The following ZNF385D variants were observed in gnomAD, a reference collection of about 807,000 sequenced individuals.
ZNF385D encodes the protein zinc finger protein 385D, also known as zinc finger protein 659.
Under a neutral mutation model 35.8 loss-of-function variants are expected in ZNF385D, and 15 were observed. The ratio of observed to expected loss-of-function variants is 0.42; its 90% CI spans 0.28 to 0.64. ZNF385D has a LOEUF of 0.64. Among genes scored for constraint, ZNF385D ranks in the 30% least tolerant of loss-of-function variants. The probability of loss-of-function intolerance (pLI) is 0.23; values close to 1 mark genes in which losing one functional copy is unlikely to be tolerated. For missense variants in ZNF385D, 474 were observed against 494.6 expected (o/e 0.96, Z 0.39); for synonymous variants, 212 against 186.8 (o/e 1.13, Z -1.10).
intron 2 of ZNF385D, among the ~76,000 whole-genome samples, chr3:21,639,503 T>C (rs1014328011): frequency 4.6e-5 from 7 of 151,006 alleles, no homozygotes; most frequent in Non-Finnish European, 1.0e-4. Context: ...TGAGCTCTTC[T>C]TTATGTCATT....
rs928853249 is a variant in ZNF385D at position 21,418,893 on chromosome 3, A to C, written c.*2321T>G. The C allele has an allele frequency of 6.6e-6, 1 of 152,176 alleles. No homozygotes were observed. Among genetic ancestry groups the C allele is most frequent in the African/African-American group, 2.4e-5 (1 of 41,448 alleles). The allele number at this position is 152,176 out of a possible 1,614,324, so 9.4% of individuals were successfully genotyped here. A position where few individuals can be genotyped will look rare whatever the true frequency, so the allele number is the denominator to read the frequency against. On this transcript the variant is annotated 3_prime_UTR_variant, in exon 8 of 8. Transcript: ENST00000281523. ...TTCAAAATGGTTAGAAGCTGGTCAC[A>C]TGGGATACAGACAGAGCCCCAAACA... is the stretch of plus-strand genomic sequence containing the variant.
chr3:22,358,228 T>C (rs1255967265), intron 2 of ZNF385D, among the ~76,000 whole-genome samples: 1 of 151,756 alleles, frequency 6.6e-6, no homozygotes, highest in Non-Finnish European at 1.5e-5. Flanking sequence ...CAAATTGAGG[T>C]GAGGAAATGA....
intron 2 of ZNF385D, among the ~76,000 whole-genome samples, chr3:21,660,099 C>G (rs1321299798): frequency 2.6e-5 from 4 of 151,952 alleles, no homozygotes; most frequent in Non-Finnish European, 5.9e-5. Flanking sequence ...GACTTGATCT[C>G]TCTCTCTCTC....
intron 3 of ZNF385D, among the ~76,000 whole-genome samples, chr3:21,896,501 A>T (rs259494): frequency 1.3e-5 from 2 of 151,972 alleles, no homozygotes; most frequent in Non-Finnish European, 2.9e-5. Context: ...ACTGAATTAT[A>T]TGGGGGCAAA....
intron 2 of ZNF385D, among the ~76,000 whole-genome samples, chr3:21,629,740 G>C (rs1325428768): frequency 2.6e-5 from 4 of 152,236 alleles, no homozygotes; most frequent in Non-Finnish European, 5.9e-5. Context: ...CCAGAGAATG[G>C]AATCTAAGAT....
chr3:22,123,243 T>G (rs1024365973), intron 3 of ZNF385D, among the ~76,000 whole-genome samples: 1 of 151,868 alleles, frequency 6.6e-6, no homozygotes, highest in Non-Finnish European at 1.5e-5. Flanking sequence ...ACCAAGAAGG[T>G]AGGAGGAGTA....
At chr3:21,986,720 C>A (rs1304902165) in intron 3 of ZNF385D, among the ~76,000 whole-genome samples, 1 of 127,716 alleles carries the variant, frequency 7.8e-6, no homozygotes, top group Admixed American at 7.5e-5. Context: ...TCCCGGGTAT[C>A]CTTGTTGACT....
At chr3:22,231,287 G>C (rs150977064) in intron 2 of ZNF385D, among the ~76,000 whole-genome samples, 135 of 152,248 alleles carry the variant, frequency 8.9e-4, no homozygotes, top group African/African-American at 3.1e-3. Flanking sequence ...CTGGCCCTGA[G>C]CCAGAATCAG....
intron 3 of ZNF385D, among the ~76,000 whole-genome samples, chr3:21,564,053 A>G (rs577527072): frequency 6.6e-6 from 1 of 152,206 alleles, no homozygotes; most frequent in African/African-American, 2.4e-5. Flanking sequence ...TGGTTCTAGG[A>G]CTGTAGGACC....
At position 22,347,906 on chromosome 3, in the gene ZNF385D, G is replaced by A. The variant is rs548565616; in HGVS notation, c.106+24544C>T. 3.0e-3 allele frequency among the ~76,000 whole-genome samples: 458 copies of A among 152,222 alleles called. 4 individuals are homozygous for A. Among genetic ancestry groups the A allele is most frequent in the African/African-American group, 9.3e-3 (385 of 41,536 alleles). On this transcript the variant is annotated intron_variant, in intron 2 of 5. Coordinates refer to the ZNF385D transcript ENST00000494108. Reference sequence around the variant, plus strand: ...TCAAACAACCAGAATGGATAAAATGGAATGTGCAATATCTAGAGTTGCCTT... The same window carrying A: ...TCAAACAACCAGAATGGATAAAATGAAATGTGCAATATCTAGAGTTGCCTT...
intron 3 of ZNF385D, among the ~76,000 whole-genome samples, chr3:22,136,774 C>G (rs1018996968): frequency 6.6e-6 from 1 of 151,798 alleles, no homozygotes; most frequent in Non-Finnish European, 1.5e-5. Context: ...AGAGAACTGT[C>G]AAGCCACTAA....
At chr3:21,630,885 G>A (rs1040128735) in intron 2 of ZNF385D, among the ~76,000 whole-genome samples, 5 of 152,044 alleles carry the variant, frequency 3.3e-5, no homozygotes, top group Non-Finnish European at 7.4e-5. Context: ...TTAAAGAAGA[G>A]GTAGGGGGAA....
At chr3:21,719,621 A>G (rs1261192743) in intron 1 of ZNF385D, among the ~76,000 whole-genome samples, 4 of 152,204 alleles carry the variant, frequency 2.6e-5, no homozygotes, top group Non-Finnish European at 4.4e-5. Context: ...TAGCTACTGC[A>G]CTTGTGCACC....
chr3:21,490,535 C>T (rs1369586039), intron 4 of ZNF385D, among the ~76,000 whole-genome samples: 1 of 152,048 alleles, frequency 6.6e-6, no homozygotes, highest in South Asian at 2.1e-4. Context: ...TGTGACTTTA[C>T]AGTAAAAGTC....
intron 3 of ZNF385D, among the ~76,000 whole-genome samples, chr3:22,096,422 T>G (rs1701636436): frequency 6.6e-6 from 1 of 152,040 alleles, no homozygotes; most frequent in Non-Finnish European, 1.5e-5. Flanking sequence ...TAAAATTTCT[T>G]ACAAAAACAG....
chr3:22,282,217 T>C (rs1389360396), intron 2 of ZNF385D, among the ~76,000 whole-genome samples: 1 of 152,100 alleles, frequency 6.6e-6, no homozygotes, highest in African/African-American at 2.4e-5. Context: ...ATTTATCTGT[T>C]GTACTGTTTT....
chr3:21,787,621 C>A (rs1359160478), intron 3 of ZNF385D, among the ~76,000 whole-genome samples: 1 of 152,042 alleles, frequency 6.6e-6, no homozygotes, highest in Admixed American at 6.6e-5. Context: ...GCTTCCTACC[C>A]AATCACCCTG....
chr3:21,663,915 A>ATATATATATATATATATATTTATTTATT (rs1159950305), intron 2 of ZNF385D, among the ~76,000 whole-genome samples: 43 of 105,848 alleles, frequency 4.1e-4, no homozygotes, highest in Non-Finnish European at 5.4e-4. Context: ...ATATATATAT[A>ATATATATATATATATATATTTATTTATT]TATTTATTTA....
chr3:22,337,527 C>T (rs1037216486), intron 2 of ZNF385D, among the ~76,000 whole-genome samples: 2 of 151,888 alleles, frequency 1.3e-5, no homozygotes, highest in South Asian at 4.2e-4. Context: ...GAGTGAGACT[C>T]CTTTTCAAAA....
Sources: gnomAD v4.1 joint callset for allele counts (sites outside exome capture counted in the v4.1 genomes callset) on GRCh38, gnomAD v4.1.1 for gene constraint, MANE v1.5 for transcripts, NCBI Gene and HGNC (gene_info 2026-07-23, HGNC 2026-07-21) for gene names.